IPO4: variants seen among roughly 807,000 people sequenced by gnomAD.
IPO4 encodes importin 4.
IPO4 carries 91 observed loss-of-function variants against 133.5 expected under a neutral mutation model. That is an observed-to-expected ratio of 0.68 (90% confidence interval 0.58 to 0.81). The LOEUF (loss-of-function observed/expected upper bound fraction) is 0.81, where lower values mean the gene tolerates loss of function less well. IPO4 is among the 30% of genes least tolerant of loss of function. The pLI is 0.00. For missense variants in IPO4, 1,279 were observed against 1,386.2 expected, an observed-to-expected ratio of 0.92 and a Z score of 1.23; for synonymous variants, 607 against 581.6, an observed-to-expected ratio of 1.04 and a Z score of -0.63.
At chr14:24,184,134 T>C in intron 17 of IPO4, 25 bp from the exon 18 acceptor site, 1 of 1,601,644 alleles carries the variant, frequency 6.2e-7, no homozygotes. Flanking sequence ...CAGAAGAAGC[T>C]GTAAGGTCCT....
In IPO4 at chr14:24,182,871, C is replaced by G. The variant is rs775112476; in HGVS notation, c.2422-29G>C. On this transcript the variant is annotated intron_variant, in intron 23 of 29. Coordinates refer to ENST00000354464, the MANE Select transcript of IPO4 (RefSeq NM_024658.4). ...CAAGAAGTAGCTCAACTTAGCGGAG[C>G]TTTCACGCCCCTTCTCTTTTCATGG... 3.1e-6 allele frequency: 5 copies of G among 1,609,654 alleles called. No individual in the cohort carries two copies. The South Asian group carries it at 4.4e-5, about 14-fold the overall frequency.
Position 24,180,853 on chromosome 14 carries a change from G to T in IPO4, c.3046-95C>A, listed in dbSNP as rs140646996. 4.9e-4 allele frequency: 486 copies of T among 989,446 alleles called. 3 individuals carry two copies. In the East Asian group the frequency reaches 0.012, roughly 24 times the overall value. The allele number at this position is 989,446 out of a possible 1,614,324, so 61.3% of individuals were successfully genotyped here. A position where few individuals can be genotyped will look rare whatever the true frequency, so the allele number is the denominator to read the frequency against. On this transcript the variant is annotated intron_variant, in intron 28 of 29. Transcript: ENST00000354464. ...AAGGAGTGGCAGAATCTCTTATCAGGGGGGTGGTTGCACCTGGTACTGATT... is the reference window on the plus strand; with the variant it reads ...AAGGAGTGGCAGAATCTCTTATCAGTGGGGTGGTTGCACCTGGTACTGATT...
At position 24,183,287 on chromosome 14, in the gene IPO4, C is replaced by G. The variant is rs780775900; in HGVS notation, c.2190G>C (p.Lys730Asn). Reference protein sequence around the residue: ...ALGQFCCALHKACQSCPSEPN... With the variant: ...ALGQFCCALHNACQSCPSEPN... ...GTTCCGAGGGGCAGCTTTGACAGGCCTTGTGCAGTGCACAGCAAAACTGAC... is the reference window on the plus strand; with the variant it reads ...GTTCCGAGGGGCAGCTTTGACAGGCGTTGTGCAGTGCACAGCAAAACTGAC... The change falls in exon 22 of 30, where the codon AAG becomes AAC. Residue 730 changes from lysine to asparagine, a missense_variant. Lys to Asn is a moderately conservative substitution (Grantham distance 94, BLOSUM62 0). This residue lies in a region of IPO4 where 575 missense variants were observed against 653.4 expected (regional missense o/e 0.88). Coordinates refer to ENST00000354464, the MANE Select transcript of IPO4 (RefSeq NM_024658.4). 1.9e-6 allele frequency: 3 copies of G among 1,613,638 alleles called. No individual in the cohort carries two copies. In the African/African-American group the frequency reaches 4.0e-5, roughly 22 times the overall value.
intron 15 of IPO4, 21 bp downstream of exon 15, chr14:24,184,846 G>T: frequency 6.2e-7 from 1 of 1,609,500 alleles, no homozygotes; most frequent in Admixed American, 1.7e-5. Flanking sequence ...CCACATCCCT[G>T]CCTCCTGCCT....
Position 24,186,182 on chromosome 14 carries a change from C to T in IPO4, c.1006G>A (p.Val336Ile). The T allele has an allele frequency of 1.9e-6, 3 of 1,613,950 alleles. No individual in the cohort carries two copies. The highest frequency in any genetic ancestry group is 1.3e-5 in the African/African-American group (1 of 75,000). Residue 336 changes from valine (V) to isoleucine (I), a missense_variant and splice_region_variant, in exon 11 of 30, where the codon GTT (valine) becomes ATT (isoleucine). Val to Ile is a conservative substitution (Grantham distance 29). Around this residue, in one of 3 missense-constraint regions of IPO4, gnomAD observed 695 missense variants for 704.1 expected, o/e 0.99. Coordinates refer to ENST00000354464, the MANE Select transcript of IPO4 (RefSeq NM_024658.4). ...AGGTGTAGTGCCAGCATGTCCACAA[C>T]CTGAGATGGGATGGGGAGACTTACT... ...GETPKHFAVQ[V>I]VDMLALHLPP... is the part of the protein sequence containing the mutation.
At chr14:24,180,659 C>T (rs1594434932) in intron 29 of IPO4, 30 bp downstream of exon 29, 1 of 1,613,748 alleles carries the variant, frequency 6.2e-7, no homozygotes, top group Non-Finnish European at 8.5e-7. Flanking sequence ...CAGCCTCCCG[C>T]AAGCCCCTGC....
intron 12 of IPO4, 91 bp from the exon 13 acceptor site, chr14:24,185,658 A>T: frequency 7.9e-7 from 1 of 1,269,604 alleles, no homozygotes. Flanking sequence ...TGGAAAAACC[A>T]AGGCTTTTCC....
At position 24,188,349 on chromosome 14, in the gene IPO4, C is replaced by T; in HGVS notation, c.231G>A (p.Arg77=). Residue 77 remains arginine (R), a synonymous_variant, in exon 3 of 30, where the codon CGG becomes CGA. Coordinates refer to ENST00000354464, the MANE Select transcript of IPO4 (RefSeq NM_024658.4). ...TRWRRLAAEQ[R]ESLKSLILTA... The stretch of plus-strand genomic sequence containing the variant: ...CCACCCCAGGCCCAGCCCACCTCTC[C>T]CGTTGCTCCGCCGCCAGCCGTCGCC... The T allele has an allele frequency of 6.2e-7, 1 of 1,613,618 alleles. No homozygotes were observed. Among genetic ancestry groups the T allele is most frequent in the Non-Finnish European group, 8.5e-7 (1 of 1,179,892 alleles).
In IPO4 at chr14:24,184,640, TCTCA is replaced by T; in HGVS notation, c.1636+6_1636+9del. 1.3e-6 allele frequency: 2 copies of T among 1,572,762 alleles called. No individual in the cohort carries two copies. The highest frequency in any genetic ancestry group is 1.7e-6 in the Non-Finnish European group (2 of 1,157,838). ...GCACTGGGAGCCCCACCTGGGAACC[TCTCA>T]CTCACCCAGGCTCTGGATCTGCACA... On this transcript the variant is annotated splice_donor_region_variant and intron_variant, in intron 16 of 29. Transcript: ENST00000354464.
intron 18 of IPO4, 26 bp downstream of exon 18, chr14:24,183,972 G>GGGGCGCCCC: frequency 6.4e-7 from 1 of 1,573,306 alleles, no homozygotes; most frequent in Non-Finnish European, 8.6e-7. Flanking sequence ...GGCAGGCCTG[G>GGGGCGCCCC]CCCAGCCCAC....
At chr14:24,186,265 T>C in intron 10 of IPO4, 22 bp downstream of exon 10, 1 of 1,602,582 alleles carries the variant, frequency 6.2e-7, no homozygotes, top group South Asian at 1.1e-5. Context: ...ACCTTCCCCC[T>C]CTGTCCTGCC....
Position 24,186,165 on chromosome 14 carries a change from T to C in IPO4, c.1023A>G (p.Ala341=). The C allele has an allele frequency of 1.2e-6, 2 of 1,613,864 alleles. No individual in the cohort carries two copies. The highest frequency in any genetic ancestry group is 1.1e-5 in the South Asian group (1 of 91,044). The change falls in exon 11 of 30, where the codon GCA becomes GCG. Residue 341 remains alanine (A), a synonymous_variant. Transcript: ENST00000354464. ...AGAGCTTCTCGGGGGGCAGGTGTAGTGCCAGCATGTCCACAACCTGAGATG... is the reference window on the plus strand; with the variant it reads ...AGAGCTTCTCGGGGGGCAGGTGTAGCGCCAGCATGTCCACAACCTGAGATG... ...HFAVQVVDML[A]LHLPPEKLCP...
At position 24,182,367 on chromosome 14, in the gene IPO4, C is replaced by G; in HGVS notation, c.2509G>C (p.Glu837Gln). Reference protein sequence around the residue: ...YDAMLLEHAGEAIPALAAAAG... With the variant: ...YDAMLLEHAGQAIPALAAAAG... The stretch of plus-strand genomic sequence containing the variant: ...GCGGCTGCCAGGGCAGGGATGGCCT[C>G]TCCAGCGTGCTCCAGCAACATGGCG... The change falls in exon 25 of 30, where the codon GAG becomes CAG. Residue 837 changes from glutamate to glutamine, a missense_variant. Glu to Gln is a conservative substitution (Grantham distance 29). Transcript: ENST00000354464. 1 of 1,613,240 alleles carries G rather than the reference C, an allele frequency of 6.2e-7. No homozygotes were observed. Among genetic ancestry groups the G allele is most frequent in the Middle Eastern group, 1.7e-4 (1 of 6,058 alleles).
In IPO4 at chr14:24,188,749, C is replaced by T. The variant is rs1005330374; in HGVS notation, c.39G>A (p.Leu13=). The T allele has an allele frequency of 6.5e-7, 1 of 1,544,244 alleles. No individual in the cohort carries two copies. The change falls in exon 1 of 30, where the codon CTG becomes CTA. Residue 13 remains leucine (L), a synonymous_variant. Transcript: ENST00000354464. ...GGATGCGCTCGGTGTCCGGTAGCAG[C>T]AGCTCCCGTAGGAGCTGCTCTAGCC... The part of the protein sequence containing the change: ...SAGLEQLLRE[L]LLPDTERIRR...
At chr14:24,182,541 T>C in intron 24 of IPO4, 138 bp from the exon 25 acceptor site, 1 of 1,252,374 alleles carries the variant, frequency 8.0e-7, no homozygotes, top group Non-Finnish European at 1.1e-6. Flanking sequence ...AAGCTGGGTG[T>C]TTCCATGACC....
intron 28 of IPO4, 81 bp from the exon 29 acceptor site, chr14:24,180,839 G>T: frequency 8.0e-7 from 1 of 1,243,776 alleles, no homozygotes; most frequent in Non-Finnish European, 1.1e-6. Context: ...AGGAGTGGCA[G>T]AATCTCTTAT....
In IPO4 at chr14:24,188,250, A is replaced by G. The variant is rs369071941; in HGVS notation, c.244T>C (p.Ser82Pro). The stretch of plus-strand genomic sequence containing the variant: ...CTCTGCAGGGCCGTCAGGATCAGGG[A>G]CTTGAGGCTGGAACACAGGTGGCAG... ...LAAEQRESLKSLILTALQRET... is the reference protein window; with the variant it reads ...LAAEQRESLKPLILTALQRET... The change falls in exon 4 of 30, where the codon TCC (serine) becomes CCC (proline). Residue 82 changes from serine (S) to proline (P), a missense_variant. Around this residue, in one of 3 missense-constraint regions of IPO4, gnomAD observed 695 missense variants for 704.1 expected, o/e 0.99. Transcript: ENST00000354464. 6.2e-7 allele frequency: 1 copy of G among 1,613,680 alleles called. No homozygotes were observed. The highest frequency in any genetic ancestry group is 1.1e-5 in the South Asian group (1 of 90,962).
chr14:24,184,588 C>T (rs928174102), intron 16 of IPO4, 62 bp downstream of exon 16: 5 of 1,438,316 alleles, frequency 3.5e-6, no homozygotes, highest in Admixed American at 4.3e-5. Flanking sequence ...AATCTGTCAA[C>T]ACCAGGTGAG....
chr14:24,186,196 G>A lies in IPO4; in HGVS notation c.1006-14C>T. On this transcript the variant is annotated splice_polypyrimidine_tract_variant and intron_variant, in intron 10 of 29. Coordinates refer to ENST00000354464, the MANE Select transcript of IPO4 (RefSeq NM_024658.4). ...CATGTCCACAACCTGAGATGGGATG[G>A]GGAGACTTACTTTGCTTGACTCCAT... 6.2e-7 allele frequency: 1 copy of A among 1,613,686 alleles called. No individual in the cohort carries two copies. Among genetic ancestry groups the A allele is most frequent in the Non-Finnish European group, 8.5e-7 (1 of 1,179,750 alleles).
Sources: gnomAD v4.1 joint callset for allele counts on GRCh38, gnomAD v4.1.1 for gene constraint, gnomAD v4.1.1 regional missense constraint, MANE v1.5 for transcripts, NCBI Gene and HGNC (gene_info 2026-07-23, HGNC 2026-07-21) for gene names.